MGLL: variants seen among roughly 807,000 people sequenced by gnomAD.
MGLL encodes the protein monoglyceride lipase.
A neutral mutation model predicts 29.1 loss-of-function variants in MGLL; 7 were observed. That is an observed-to-expected ratio of 0.24 (90% confidence interval 0.14 to 0.45). The LOEUF (loss-of-function observed/expected upper bound fraction) is 0.45. MGLL is among the 20% of genes least tolerant of loss of function. The probability of loss-of-function intolerance (pLI) is 0.99; values close to 1 mark genes in which losing one functional copy is unlikely to be tolerated. For synonymous variants in MGLL, 148 were observed against 168.3 expected, an observed-to-expected ratio of 0.88 and a Z score of 0.93; for missense variants, 356 against 413.6, an observed-to-expected ratio of 0.86 and a Z score of 1.21.
At chr3:127,710,787 G>C (rs577786864) in intron 5 of MGLL, 122 bp from the exon 6 acceptor site, 7 of 915,120 alleles carry the variant, frequency 7.6e-6, no homozygotes, top group Middle Eastern at 2.5e-4. Flanking sequence ...AGCCAGGTTC[G>C]TCTCCCAAGC....
intron 7 of MGLL, among the ~76,000 whole-genome samples, chr3:127,694,541 A>G (rs368683015): frequency 1.3e-3 from 202 of 152,116 alleles, no homozygotes; most frequent in African/African-American, 4.5e-3. Flanking sequence ...AGGCTCTGCC[A>G]AGTCCTGCCA....
At chr3:127,751,928 C>T (rs2076566460) in intron 3 of MGLL, among the ~76,000 whole-genome samples, 1 of 152,040 alleles carries the variant, frequency 6.6e-6, no homozygotes, top group African/African-American at 2.4e-5. Context: ...GGTGAAAAGC[C>T]GTGAATGATG....
In MGLL at chr3:127,761,967, C is replaced by T. The variant is rs969941940; in HGVS notation, c.262+19822G>A. 2.6e-5 allele frequency among the ~76,000 whole-genome samples: 4 copies of T among 152,006 alleles called. No individual in the cohort carries two copies. The highest frequency in any genetic ancestry group is 7.3e-5 in the African/African-American group (3 of 41,358). On this transcript the variant is annotated intron_variant, in intron 3 of 7. Coordinates refer to ENST00000265052, the MANE Select transcript of MGLL (RefSeq NM_007283.7). This position sits in a 1 kb window ranked among gnomAD's most constrained non-coding sequence, Gnocchi z 4.6. ...TCTAACAGGGGAGAAACCAAGACAC[C>T]GAGAACACAGCTTAATAGATCTGTG... is the stretch of plus-strand genomic sequence containing the variant.
chr3:127,762,756 C>T (rs2076788573), intron 3 of MGLL, among the ~76,000 whole-genome samples: 1 of 152,338 alleles, frequency 6.6e-6, no homozygotes, highest in Admixed American at 6.5e-5. Flanking sequence ...TGAGTATGCA[C>T]GTAGTAACAG....
intron 3 of MGLL, among the ~76,000 whole-genome samples, chr3:127,759,227 G>A (rs1276776356): frequency 6.6e-6 from 1 of 152,132 alleles, no homozygotes; most frequent in Non-Finnish European, 1.5e-5. Flanking sequence ...GCCCGGCCCT[G>A]GCAGCTATTT....
At chr3:127,816,573 G>A (rs2077759497) in intron 2 of MGLL, among the ~76,000 whole-genome samples, 2 of 152,274 alleles carry the variant, frequency 1.3e-5, no homozygotes, top group South Asian at 2.1e-4. Flanking sequence ...AGGATATTAC[G>A]AGGACGCAAG....
intron 3 of MGLL, among the ~76,000 whole-genome samples, chr3:127,731,797 C>A (rs2076157279): frequency 2.0e-5 from 3 of 152,242 alleles, no homozygotes. Context: ...GCTTTGCCAT[C>A]TGTTTCTAGG....
intron 2 of MGLL, among the ~76,000 whole-genome samples, chr3:127,808,321 A>G (rs981438222): frequency 1.3e-5 from 2 of 152,210 alleles, no homozygotes; most frequent in Admixed American, 6.5e-5. Context: ...TTCTTAAGGT[A>G]GATTCCATTC....
chr3:127,741,744 C>T (rs779122108), intron 3 of MGLL, among the ~76,000 whole-genome samples: 11 of 152,236 alleles, frequency 7.2e-5, no homozygotes, highest in Non-Finnish European at 1.2e-4. Flanking sequence ...CTGGCTGCTA[C>T]AGGAAGATCG....
chr3:127,724,748 A>G (rs1357919423), intron 3 of MGLL, among the ~76,000 whole-genome samples: 1 of 152,162 alleles, frequency 6.6e-6, no homozygotes, highest in African/African-American at 2.4e-5. Context: ...AGGGCTGCCC[A>G]GTGTCAGGCT....
intron 2 of MGLL, among the ~76,000 whole-genome samples, chr3:127,811,809 G>A (rs145374705): frequency 1.3e-5 from 2 of 152,354 alleles, no homozygotes; most frequent in African/African-American, 4.8e-5. Flanking sequence ...CACCAGATGT[G>A]GTAAAGCCAT....
intron 3 of MGLL, among the ~76,000 whole-genome samples, chr3:127,770,361 C>T (rs2076928892): frequency 6.6e-6 from 1 of 152,050 alleles, no homozygotes; most frequent in East Asian, 1.9e-4. Context: ...TAAGTGAATC[C>T]TTTAATCAAA....
intron 3 of MGLL, among the ~76,000 whole-genome samples, chr3:127,760,808 GC>G (rs34228116): frequency 6.6e-6 from 1 of 152,218 alleles, no homozygotes; most frequent in African/African-American, 2.4e-5. Flanking sequence ...GTCCGACTTT[GC>G]CCCCTAATGA....
rs76650663 is a variant in MGLL, at chr3:127,733,470, C to A, written c.263-10904G>T. On this transcript the variant is annotated intron_variant, in intron 3 of 7. Coordinates refer to ENST00000265052, the MANE Select transcript of MGLL (RefSeq NM_007283.7). ...TTCCTTCTTGCTTAAGATCCAGGAA[C>A]CCTCTCTTGGGGTCTGGATCAGGAC... Among the ~76,000 whole-genome samples the A allele has an allele frequency of 6.5e-4, 99 of 152,274 alleles. No homozygotes were observed. In the East Asian group the frequency reaches 0.017, roughly 26 times the overall value.
chr3:127,769,196 A>C (rs1428284467), intron 3 of MGLL, among the ~76,000 whole-genome samples: 2 of 152,034 alleles, frequency 1.3e-5, no homozygotes, highest in African/African-American at 4.8e-5. Flanking sequence ...TACTAAAAAT[A>C]AAAAATTAGC....
At chr3:127,815,655 A>T (rs2077741467) in intron 2 of MGLL, among the ~76,000 whole-genome samples, 1 of 152,156 alleles carries the variant, frequency 6.6e-6, no homozygotes. Context: ...CCGAGGGTGG[A>T]ACACCATCCA....
At chr3:127,778,675 T>C (rs1352787040) in intron 3 of MGLL, among the ~76,000 whole-genome samples, 1 of 152,216 alleles carries the variant, frequency 6.6e-6, no homozygotes, top group Non-Finnish European at 1.5e-5. Flanking sequence ...AGCAGTGTTT[T>C]CAGCTCCGTT....
chr3:127,786,315 T>C (rs2077213074), intron 2 of MGLL, among the ~76,000 whole-genome samples: 2 of 152,268 alleles, frequency 1.3e-5, no homozygotes, highest in African/African-American at 4.8e-5. Context: ...TCCCCTGCCG[T>C]TCTGCAACCT....
chr3:127,703,434 A>G (rs2075537774), intron 6 of MGLL, among the ~76,000 whole-genome samples: 1 of 152,252 alleles, frequency 6.6e-6, no homozygotes, highest in Non-Finnish European at 1.5e-5. Context: ...CATGGATTAG[A>G]TCGAGGACAA....
Sources: allele counts gnomAD v4.1 joint callset (sites outside exome capture counted in the v4.1 genomes callset), GRCh38; gene constraint gnomAD v4.1.1; non-coding constraint Gnocchi (gnomAD v3.1); transcripts MANE v1.5; gene names NCBI Gene and HGNC (gene_info 2026-07-23, HGNC 2026-07-21).